The following EPC1 variants were observed in gnomAD, a reference collection of about 807,000 sequenced individuals.
EPC1 encodes the protein enhancer of polycomb 1, also known as enhancer of polycomb homolog 1.
In EPC1, 12 loss-of-function variants were observed where a neutral mutation model predicts 98.4. The ratio of observed to expected loss-of-function variants is 0.12; its 90% confidence interval spans 0.08 to 0.20. The LOEUF is 0.20. EPC1 is among the 10% of genes least tolerant of loss of function. The pLI is 1.00. For synonymous variants in EPC1, 357 were observed against 363.9 expected (o/e 0.98, Z 0.21); for missense variants, 729 against 990.5 (o/e 0.74, Z 3.54).
At chr10:32,365,819 C>CAAAAAAAAAAAA (rs55769539) in intron 1 of EPC1, among the ~76,000 whole-genome samples, 1 of 38,428 alleles carries the variant, frequency 2.6e-5, no homozygotes, top group African/African-American at 1.4e-4. Flanking sequence ...CTCCGTCTCA[C>CAAAAAAAAAAAA]AAAAAAAAAA....
At chr10:32,321,130 T>G (rs1349764008) in intron 1 of EPC1, among the ~76,000 whole-genome samples, 1 of 152,184 alleles carries the variant, frequency 6.6e-6, no homozygotes, top group Admixed American at 6.5e-5. Context: ...GATTAGAGGT[T>G]AAACTATAGT....
chr10:32,373,493 A>G (rs1186092442), intron 1 of EPC1, among the ~76,000 whole-genome samples: 2 of 152,196 alleles, frequency 1.3e-5, no homozygotes, highest in Admixed American at 1.3e-4. Flanking sequence ...GCAGATGTTC[A>G]CCCTTCTAAA....
At chr10:32,301,902 G>A (rs1021944876) in intron 2 of EPC1, among the ~76,000 whole-genome samples, 4 of 151,916 alleles carry the variant, frequency 2.6e-5, no homozygotes, top group Admixed American at 1.3e-4. Context: ...TGAGAAACTG[G>A]ATCTCATCAA....
At chr10:32,322,080 T>C (rs1023336858) in intron 1 of EPC1, among the ~76,000 whole-genome samples, 8 of 147,946 alleles carry the variant, frequency 5.4e-5, no homozygotes, top group African/African-American at 2.0e-4. Flanking sequence ...GCATCCTAGA[T>C]ATGAAGGACA....
chr10:32,362,319 GT>G (rs373973183), intron 1 of EPC1, among the ~76,000 whole-genome samples: 200 of 152,170 alleles, frequency 1.3e-3, no homozygotes, highest in African/African-American at 4.1e-3. Flanking sequence ...AATGTTGGAG[GT>G]GGGGTCCGGT....
Position 32,276,293 on chromosome 10 carries a change from C to T in EPC1, c.1745-3012G>A, listed in dbSNP as rs566680845. On this transcript the variant is annotated intron_variant, in intron 10 of 13. Coordinates refer to ENST00000319778, the MANE Select transcript of EPC1 (RefSeq NM_001272004.3). ...TGTGATGCCGAGGCAGGTTGATCAC[C>T]GGAGGTCAGGAATTTGAGACCACCC... Among the ~76,000 whole-genome samples the T allele has an allele frequency of 2.0e-4, 30 of 152,266 alleles. No homozygotes were observed. The East Asian group carries it at 4.1e-3, about 21-fold the overall frequency.
At chr10:32,276,920 A>C (rs1836133488) in intron 10 of EPC1, among the ~76,000 whole-genome samples, 1 of 152,206 alleles carries the variant, frequency 6.6e-6, no homozygotes, top group Admixed American at 6.5e-5. Flanking sequence ...TTGACAGATG[A>C]CCAAACCTAC....
intron 2 of EPC1, among the ~76,000 whole-genome samples, chr10:32,295,506 A>G (rs1349466217): frequency 1.3e-5 from 2 of 152,212 alleles, no homozygotes; most frequent in African/African-American, 4.8e-5. Flanking sequence ...AGATGTTAAC[A>G]TCTCTGTACT....
At chr10:32,332,663 T>C (rs924833833) in intron 1 of EPC1, among the ~76,000 whole-genome samples, 1 of 152,232 alleles carries the variant, frequency 6.6e-6, no homozygotes, top group South Asian at 2.1e-4. Context: ...ACAGCTTTTA[T>C]GCAGACACAG....
chr10:32,376,730 A>T (rs1407555684), intron 1 of EPC1, among the ~76,000 whole-genome samples: 4 of 152,160 alleles, frequency 2.6e-5, no homozygotes, highest in African/African-American at 9.6e-5. Context: ...AAGTGAAATG[A>T]GCATTTACGT....
rs772457919 is a variant in EPC1 at position 32,287,091 on chromosome 10, T to C, written c.1152+7A>G. 3 of 1,614,102 alleles carry C rather than the reference T, an allele frequency of 1.9e-6. No individual in the cohort carries two copies. In the South Asian group the frequency reaches 3.3e-5, roughly 18 times the overall value. On this transcript the variant is annotated splice_region_variant and intron_variant, in intron 7 of 13. Coordinates refer to ENST00000319778, the MANE Select transcript of EPC1 (RefSeq NM_001272004.3). The stretch of plus-strand genomic sequence containing the variant: ...TCCTCAATGTTCATAGAGAATTGTA[T>C]TTGTACCTGGGAGAGAGGTTCTTCG...
At chr10:32,353,174 C>CA (rs938581121) in intron 1 of EPC1, among the ~76,000 whole-genome samples, 3 of 143,250 alleles carry the variant, frequency 2.1e-5, no homozygotes, top group African/African-American at 7.9e-5. Flanking sequence ...AAAAAAAAAG[C>CA]AAAAAAAGAA....
intron 10 of EPC1, 131 bp from the exon 11 acceptor site, chr10:32,273,412 A>C (rs1377939697): frequency 5.2e-6 from 6 of 1,151,260 alleles, no homozygotes; most frequent in Non-Finnish European, 5.9e-6. Flanking sequence ...TGATCCTGCT[A>C]AAGATCACTT....
chr10:32,304,893 T>G (rs899007483), intron 2 of EPC1, among the ~76,000 whole-genome samples: 1 of 134,972 alleles, frequency 7.4e-6, no homozygotes, highest in African/African-American at 2.8e-5. Flanking sequence ...CACTCTAGCC[T>G]GGGCAACAGA....
rs1838528770 is a variant in EPC1, at chr10:32,343,669, A to G, written c.153+3094T>C. Reference sequence around the variant, plus strand: ...AATTAAAAAAATAGATAAGTTCAGTAACATTTTCTGCCTCCAAATTATTTT... The same window carrying G: ...AATTAAAAAAATAGATAAGTTCAGTGACATTTTCTGCCTCCAAATTATTTT... On this transcript the variant is annotated intron_variant, in intron 1 of 13. Transcript: ENST00000319778. Among the ~76,000 whole-genome samples, 3 of 137,704 alleles carry G rather than the reference A, an allele frequency of 2.2e-5. No homozygotes were observed. In the South Asian group the frequency reaches 8.3e-4, roughly 38 times the overall value. 90.3% of individuals were successfully genotyped at this position (137,704 alleles called of 152,430 possible).
intron 1 of EPC1, among the ~76,000 whole-genome samples, chr10:32,313,076 A>ATT (rs34808423): frequency 4.7e-5 from 7 of 148,132 alleles, no homozygotes; most frequent in Admixed American, 1.4e-4. Flanking sequence ...TGAAACTTAG[A>ATT]TTTTTTTTTT....
chr10:32,300,669 G>C (rs111424139), intron 2 of EPC1, among the ~76,000 whole-genome samples: 8,102 of 151,982 alleles, frequency 0.053, 689 homozygotes, highest in African/African-American at 0.18. Flanking sequence ...CCCGACCCCA[G>C]GTGATCTGCC....
chr10:32,284,887 C>T lies in EPC1; in HGVS notation c.1555G>A (p.Val519Ile). Reference protein sequence around the residue: ...SFSKDLSQILVNIKSCRWRHF... With the variant: ...SFSKDLSQILINIKSCRWRHF... ...CGCCATCTACATGATTTGATATTGA[C>T]TAGTATCTGACTGAGGTCTTTAGAG... The change falls in exon 10 of 14, where the codon GTC becomes ATC. Residue 519 changes from valine (V) to isoleucine (I), a missense_variant. Around this residue, in one of 6 missense-constraint regions of EPC1, gnomAD observed 390 missense variants for 438.6 expected, o/e 0.89. Coordinates refer to ENST00000319778, the MANE Select transcript of EPC1 (RefSeq NM_001272004.3). 6.2e-7 allele frequency: 1 copy of T among 1,614,132 alleles called. No individual in the cohort carries two copies. Among genetic ancestry groups the T allele is most frequent in the Non-Finnish European group, 8.5e-7 (1 of 1,180,038 alleles).
At chr10:32,374,604 T>G (rs982871796) in intron 1 of EPC1, 3 of 152,208 alleles carry the variant, frequency 2.0e-5, no homozygotes, top group African/African-American at 7.2e-5. Context: ...GATGCCCGAA[T>G]CATGGTCCTT....
Sources: allele counts gnomAD v4.1 joint callset (sites outside exome capture counted in the v4.1 genomes callset), GRCh38; gene constraint gnomAD v4.1.1; regional missense constraint gnomAD v4.1.1; transcripts MANE v1.5; gene names NCBI Gene and HGNC (gene_info 2026-07-23, HGNC 2026-07-21).